The following PIWIL3 variants were observed in gnomAD, a reference collection of about 807,000 sequenced individuals.
PIWIL3 encodes piwi-like protein 3.
PIWIL3 carries 101 observed loss-of-function variants against 109.7 expected under a neutral mutation model. The observed-to-expected ratio is 0.92, with a 90% confidence interval of 0.78 to 1.09. PIWIL3 has a LOEUF of 1.09. PIWIL3 is among the 50% of genes least tolerant of loss of function. The pLI, the probability that PIWIL3 is intolerant of heterozygous loss-of-function variation, is 0.00. For synonymous variants in PIWIL3, 373 were observed against 376.4 expected, an observed-to-expected ratio of 0.99 and a Z score of 0.10; for missense variants, 1,031 against 1,072.6, an observed-to-expected ratio of 0.96 and a Z score of 0.54.
At chr22:24,745,376 C>A (rs957757658) in intron 12 of PIWIL3, among the ~76,000 whole-genome samples, 24 of 152,098 alleles carry the variant, frequency 1.6e-4, no homozygotes, top group African/African-American at 5.8e-4. Flanking sequence ...ATGGGCAGAT[C>A]ACTTGAGGTC....
intron 17 of PIWIL3, 88 bp from the exon 18 acceptor site, chr22:24,725,125 A>G: frequency 6.7e-7 from 1 of 1,490,138 alleles, no homozygotes; most frequent in Admixed American, 1.9e-5. Flanking sequence ...TCCATCTTTC[A>G]ACACTGCAGC....
At chr22:24,739,889 A>G (rs1923884205) in intron 12 of PIWIL3, among the ~76,000 whole-genome samples, 1 of 151,736 alleles carries the variant, frequency 6.6e-6, no homozygotes, top group Admixed American at 6.6e-5. Context: ...TCTCTACTAA[A>G]AATACAAAAA....
Position 24,751,449 on chromosome 22 carries a change from G to T in PIWIL3, c.1027C>A (p.Pro343Thr). The T allele has an allele frequency of 6.2e-7, 1 of 1,613,888 alleles. No individual in the cohort carries two copies. Among genetic ancestry groups the T allele is most frequent in the Non-Finnish European group, 8.5e-7 (1 of 1,179,950 alleles). The change falls in exon 9 of 21, where the codon CCT becomes ACT. Residue 343 changes from proline to threonine, a missense_variant. Coordinates refer to ENST00000616349, the MANE Select transcript of PIWIL3 (RefSeq NM_001255975.1). ...TCTGATTTGTTAAATGTGTCTTCAGGATTCTGCTTCCAATCAATATCATCT... is the reference window on the plus strand; with the variant it reads ...TCTGATTTGTTAAATGTGTCTTCAGTATTCTGCTTCCAATCAATATCATCT... ...RVDDIDWKQN[P>T]EDTFNKSDGS... is the part of the protein sequence containing the mutation.
intron 7 of PIWIL3, 24 bp downstream of exon 7, chr22:24,754,760 T>G: frequency 6.5e-7 from 1 of 1,546,698 alleles, no homozygotes; most frequent in South Asian, 1.1e-5. Context: ...CTGCAGAGTG[T>G]GAAATTTTCT....
intron 8 of PIWIL3, among the ~76,000 whole-genome samples, chr22:24,751,850 G>A (rs79047749): frequency 0.014 from 2,117 of 152,278 alleles, 26 homozygotes; most frequent in Middle Eastern, 0.051. Context: ...GCTCTTTCCC[G>A]ACTGGCTTCT....
chr22:24,762,440 T>C lies in PIWIL3; in HGVS notation c.60A>G (p.Gln20=), dbSNP rs531100188. ...CTCTGGGTCCCCCAGGTGCCTCTTG[T>C]TGGTAGCTCTCCCTGCGGCGGGCTC... ...RGRARRRESY[Q]QEAPGGPRAP... is the part of the protein sequence containing the mutation. The change falls in exon 2 of 21, where the codon CAA becomes CAG. Residue 20 remains glutamine, a synonymous_variant. Transcript: ENST00000616349. 259 of 1,614,060 alleles carry C rather than the reference T, an allele frequency of 1.6e-4. 3 individuals are homozygous for C. Among genetic ancestry groups the C allele is most frequent in the South Asian group, 1.5e-3 (134 of 91,038 alleles).
chr22:24,723,334 T>A, intron 18 of PIWIL3, 79 bp from the exon 19 acceptor site: 1 of 1,418,314 alleles, frequency 7.1e-7, no homozygotes, highest in East Asian at 2.3e-5. Context: ...AACATCTGCT[T>A]TACATTTAGG....
At position 24,754,202 on chromosome 22, in the gene PIWIL3, G is replaced by A. The variant is rs747590411; in HGVS notation, c.789C>T (p.Ile263=). The A allele has an allele frequency of 6.2e-7, 1 of 1,613,330 alleles. No individual in the cohort carries two copies. Among genetic ancestry groups the A allele is most frequent in the African/African-American group, 1.3e-5 (1 of 74,900 alleles). ...QLYRHGTSLE[I]WLGYVTSVLQ... ...GAACAGAAGTAACATAACCAAGCCA[G>A]ATTTCCAAACTGGTACTAGAATAAA... Residue 263 remains isoleucine, a synonymous_variant, in exon 8 of 21, where the codon ATC becomes ATT. Coordinates refer to ENST00000616349, the MANE Select transcript of PIWIL3 (RefSeq NM_001255975.1).
At position 24,728,274 on chromosome 22, in the gene PIWIL3, T is replaced by A; in HGVS notation, c.1808A>T (p.Lys603Met). The A allele has an allele frequency of 6.2e-7, 1 of 1,614,206 alleles. No homozygotes were observed. Among genetic ancestry groups the A allele is most frequent in the Non-Finnish European group, 8.5e-7 (1 of 1,180,028 alleles). ...CCTTGCCTGGACTTTTTCTAAGGTC[T>A]TTTTCACCACACACTGGCTTGGAAT... ...CPIPSQCVVK[K>M]TLEKVQARTI... The change falls in exon 15 of 21, where the codon AAG (lysine) becomes ATG (methionine). Residue 603 changes from lysine to methionine, a missense_variant. Transcript: ENST00000616349.
intron 8 of PIWIL3, among the ~76,000 whole-genome samples, chr22:24,752,623 C>A (rs1194233750): frequency 6.6e-6 from 1 of 152,158 alleles, no homozygotes; most frequent in Non-Finnish European, 1.5e-5. Context: ...CAGCTTTCCG[C>A]TCCTAAACCC....
At chr22:24,727,702 A>G (rs5751959) in intron 16 of PIWIL3, among the ~76,000 whole-genome samples, 91,777 of 151,666 alleles carry the variant, frequency 0.61, 28,189 homozygotes, top group East Asian at 0.8. Flanking sequence ...AGATAAAGAC[A>G]GGCATTGTCA....
At chr22:24,750,511 G>C (rs1298671800) in intron 9 of PIWIL3, among the ~76,000 whole-genome samples, 2 of 101,228 alleles carry the variant, frequency 2.0e-5, no homozygotes, top group African/African-American at 7.7e-5. Context: ...TTTTTGAGAT[G>C]GAGTTTCACT....
intron 14 of PIWIL3, among the ~76,000 whole-genome samples, chr22:24,732,467 TA>T (rs1364405806): frequency 1.3e-5 from 2 of 152,054 alleles, no homozygotes; most frequent in African/African-American, 2.4e-5. Flanking sequence ...AGTAAATGAG[TA>T]AAAGTAGGAC....
Position 24,719,881 on chromosome 22 carries a change from A to G in PIWIL3, c.2372T>C (p.Ile791Thr), listed in dbSNP as rs1234339449. Residue 791 changes from isoleucine (I) to threonine (T), a missense_variant, in exon 20 of 21, where the codon ATT becomes ACT. By Grantham distance (89) the Ile-to-Thr change is moderately conservative. Coordinates refer to ENST00000616349, the MANE Select transcript of PIWIL3 (RefSeq NM_001255975.1). ...CCCATCTTGCACAGACTGACTCACA[A>G]TAAAAAAGTCATACCTGGAAATATA... is the stretch of plus-strand genomic sequence containing the variant. The part of the protein sequence containing the change: ...LTRNEWYDFF[I>T]VSQSVQDGTV... 6.2e-7 allele frequency: 1 copy of G among 1,610,360 alleles called. No homozygotes were observed. Among genetic ancestry groups the G allele is most frequent in the Non-Finnish European group, 8.5e-7 (1 of 1,177,564 alleles).
chr22:24,743,796 A>C (rs1265058811), intron 12 of PIWIL3, among the ~76,000 whole-genome samples: 1 of 152,204 alleles, frequency 6.6e-6, no homozygotes, highest in Non-Finnish European at 1.5e-5. Flanking sequence ...CCTGTTCCAC[A>C]AAAACCTATT....
chr22:24,730,194 G>A (rs1036714460), intron 14 of PIWIL3, among the ~76,000 whole-genome samples: 4 of 151,722 alleles, frequency 2.6e-5, no homozygotes, highest in South Asian at 2.1e-4. Context: ...GTGAAACCCC[G>A]TCTCTACTAA....
At position 24,730,426 on chromosome 22, in the gene PIWIL3, A is replaced by C. The variant is rs534536412; in HGVS notation, c.1708-2052T>G. 1.7e-4 allele frequency among the ~76,000 whole-genome samples: 25 copies of C among 150,788 alleles called. 1 individual carries two copies. Among genetic ancestry groups the C allele is most frequent in the Middle Eastern group, 3.4e-3 (1 of 290 alleles). ...ATTTTCTTAATTGGGTAACGTGTTT[A>C]AGTAAGAGTATGTTCCTTTGTTTTC... On this transcript the variant is annotated intron_variant, in intron 14 of 20. Transcript: ENST00000616349.
chr22:24,726,934 A>G (rs1038501424), intron 16 of PIWIL3, among the ~76,000 whole-genome samples: 1 of 152,214 alleles, frequency 6.6e-6, no homozygotes, highest in African/African-American at 2.4e-5. Context: ...TAAGACTGCA[A>G]ACGTATTTCA....
intron 14 of PIWIL3, among the ~76,000 whole-genome samples, chr22:24,729,236 G>A (rs1055128673): frequency 6.6e-6 from 1 of 151,906 alleles, no homozygotes; most frequent in Non-Finnish European, 1.5e-5. Flanking sequence ...CAACCCTCTC[G>A]GGCCCCCTCT....
Sources: gnomAD v4.1 joint callset for allele counts (sites outside exome capture counted in the v4.1 genomes callset) on GRCh38, gnomAD v4.1.1 for gene constraint, MANE v1.5 for transcripts, NCBI Gene and HGNC (gene_info 2026-07-23, HGNC 2026-07-21) for gene names.